Variants in GPATCH11 observed in about 807,000 individuals in gnomAD.
The protein encoded by GPATCH11 is G patch domain-containing protein 11.
In GPATCH11, 32 loss-of-function variants were observed where a neutral mutation model predicts 44.8. The ratio of observed to expected loss-of-function variants is 0.71; its 90% confidence interval spans 0.54 to 0.96. The LOEUF (loss-of-function observed/expected upper bound fraction) is 0.96. GPATCH11 is among the 40% of genes least tolerant of loss of function. The probability of loss-of-function intolerance (pLI) is 0.00; values close to 1 mark genes in which losing one functional copy is unlikely to be tolerated. For synonymous variants in GPATCH11, 84 were observed against 94.4 expected (o/e 0.89, Z 0.64); for missense variants, 324 against 303.1 (o/e 1.07, Z -0.51).
chr2:37,090,803 C>CTT lies in GPATCH11; in HGVS notation c.328+88_328+89dup, dbSNP rs201403331. On this transcript the variant is annotated intron_variant, in intron 4 of 8. Coordinates refer to ENST00000674370, the MANE Select transcript of GPATCH11 (RefSeq NM_174931.4). ...ACCACATATATTTGCTCAATAAATACTTTTTTTTAAATGATAATACTGTTA... is the reference window on the plus strand; with the variant it reads ...ACCACATATATTTGCTCAATAAATACTTTTTTTTTTAAATGATAATACTGTTA... The CTT allele has an allele frequency of 8.5e-6, 6 of 702,156 alleles. No homozygotes were observed. The South Asian group carries it at 9.8e-5, about 11-fold the overall frequency. The allele number at this position is 702,156 out of a possible 1,614,324, so 43.5% of individuals were successfully genotyped here. A position where few individuals can be genotyped will look rare whatever the true frequency, so the allele number is the denominator to read the frequency against.
chr2:37,089,889 C>T (rs762813337), intron 3 of GPATCH11, 23 bp downstream of exon 3: 136 of 1,480,898 alleles, frequency 9.2e-5, no homozygotes, highest in Non-Finnish European at 1.2e-4. Context: ...TGGAAATAAA[C>T]AGGTATTCCT....
intron 2 of GPATCH11, 37 bp downstream of exon 2, chr2:37,088,477 T>C: frequency 1.1e-6 from 1 of 939,110 alleles, no homozygotes; most frequent in Non-Finnish European, 1.7e-6. Flanking sequence ...ATGATATGTA[T>C]AAGATGTGTA....
intron 6 of GPATCH11, among the ~76,000 whole-genome samples, chr2:37,092,793 A>T (rs1673397452): frequency 6.6e-6 from 1 of 152,150 alleles, no homozygotes; most frequent in Non-Finnish European, 1.5e-5. Flanking sequence ...ATAATATTTG[A>T]TTAACAAGAA....
rs142659059 is a variant in GPATCH11 at position 37,094,183 on chromosome 2, T to C, written c.642T>C (p.Ser214=). ...EKEQDEDEYK[S]EDLSVLEKLQ... ...AACAGGATGAAGATGAATATAAGAGTGAAGATTTAAGCGTATGCTTTGCAC... is the reference window on the plus strand; with the variant it reads ...AACAGGATGAAGATGAATATAAGAGCGAAGATTTAAGCGTATGCTTTGCAC... Residue 214 remains serine (S), a synonymous_variant, in exon 7 of 9, where the codon AGT becomes AGC. Transcript: ENST00000674370. 1 of 1,548,696 alleles carries C rather than the reference T, an allele frequency of 6.5e-7. No individual in the cohort carries two copies. The highest frequency in any genetic ancestry group is 8.8e-7 in the Non-Finnish European group (1 of 1,141,486).
At position 37,088,357 on chromosome 2, in the gene GPATCH11, CT is replaced by C; in HGVS notation, c.-13-9del. On this transcript the variant is annotated splice_polypyrimidine_tract_variant and intron_variant, in intron 1 of 8. Coordinates refer to ENST00000674370, the MANE Select transcript of GPATCH11 (RefSeq NM_174931.4). ...AAACTAAAAAAAAAAGTAATTATTA[CT>C]TTATTTGTAGATACTATAGCCATAT... 1.5e-6 allele frequency: 2 copies of C among 1,341,554 alleles called. No homozygotes were observed. Among genetic ancestry groups the C allele is most frequent in the Non-Finnish European group, 1.0e-6 (1 of 974,708 alleles). The allele number at this position is 1,341,554 out of a possible 1,614,324, so 83.1% of individuals were successfully genotyped here.
In GPATCH11 at chr2:37,087,072, C is replaced by CTTCA. The variant is rs1342795289; in HGVS notation, c.-13-1296_-13-1293dup. On this transcript the variant is annotated intron_variant, in intron 1 of 8. Transcript: ENST00000674370. ...AAGAAGATGGCCATCCACAGCCCAG[C>CTTCA]TTCACATTCTCCCAGTTCAGAAACA... Among the ~76,000 whole-genome samples, 4 of 152,170 alleles carry CTTCA rather than the reference C, an allele frequency of 2.6e-5. No homozygotes were observed. In the South Asian group the frequency reaches 8.3e-4, roughly 32 times the overall value.
chr2:37,095,298 C>A, intron 7 of GPATCH11, 139 bp from the exon 8 acceptor site: 1 of 1,071,552 alleles, frequency 9.3e-7, no homozygotes, highest in Non-Finnish European at 1.3e-6. Context: ...TATATCAGTT[C>A]TGTCCTTGAC....
At chr2:37,088,551 T>C (rs1438165688) in intron 2 of GPATCH11, 111 bp downstream of exon 2, 5 of 596,840 alleles carry the variant, frequency 8.4e-6, no homozygotes, top group African/African-American at 1.9e-5. Context: ...GGTCTCATTC[T>C]GTTAGCAAGG....
At chr2:37,086,870 A>G (rs948139999) in intron 1 of GPATCH11, among the ~76,000 whole-genome samples, 8 of 152,216 alleles carry the variant, frequency 5.3e-5, no homozygotes, top group Non-Finnish European at 7.3e-5. Context: ...TTGTCTAGAC[A>G]CTTGGTTGCA....
rs1306552835 is a variant in GPATCH11, at chr2:37,092,502, TAA to T, written c.540+250_540+251del. ...ATAATATATATATTATATATATATA[TAA>T]AACTAAGAACTCCAAGCCCGGTTTA... is the stretch of plus-strand genomic sequence containing the variant. On this transcript the variant is annotated intron_variant, in intron 6 of 8. Coordinates refer to ENST00000674370, the MANE Select transcript of GPATCH11 (RefSeq NM_174931.4). Among the ~76,000 whole-genome samples the T allele has an allele frequency of 5.0e-5, 7 of 141,262 alleles. No homozygotes were observed. The South Asian group carries it at 8.7e-4, about 17-fold the overall frequency. The allele number at this position is 141,262 out of a possible 152,430, so 92.7% of individuals were successfully genotyped here. A position where few individuals can be genotyped will look rare whatever the true frequency, so the allele number is the denominator to read the frequency against.
intron 2 of GPATCH11, among the ~76,000 whole-genome samples, chr2:37,089,189 A>G (rs1173855150): frequency 1.3e-5 from 2 of 152,190 alleles, no homozygotes; most frequent in Non-Finnish European, 1.5e-5. Flanking sequence ...GTCACTGATT[A>G]TGTTCTAATA....
chr2:37,087,186 C>T (rs557796471), intron 1 of GPATCH11, among the ~76,000 whole-genome samples: 1 of 152,304 alleles, frequency 6.6e-6, no homozygotes, highest in South Asian at 2.1e-4. Context: ...GTCATCTCGT[C>T]CCCTGGTGCT....
rs1421784706 is a variant in GPATCH11 at position 37,089,599 on chromosome 2, A to T, written c.60-41A>T. 7 of 1,336,644 alleles carry T rather than the reference A, an allele frequency of 5.2e-6. No homozygotes were observed. The South Asian group carries it at 6.9e-5, about 13-fold the overall frequency. 82.8% of individuals were successfully genotyped at this position (1,336,644 alleles called of 1,614,324 possible). The stretch of plus-strand genomic sequence containing the variant: ...TAAAAAAAAAAAAAAAGAAAAGAAA[A>T]CTTTATGGACTCATCTAAAATAAAC... On this transcript the variant is annotated intron_variant, in intron 2 of 8. Transcript: ENST00000674370.
At chr2:37,085,185 A>G (rs760585029) in intron 1 of GPATCH11, among the ~76,000 whole-genome samples, 1 of 152,222 alleles carries the variant, frequency 6.6e-6, no homozygotes, top group Admixed American at 6.5e-5. Flanking sequence ...CTGTAACCCC[A>G]TTCAGATGTG....
intron 3 of GPATCH11, 115 bp downstream of exon 3, chr2:37,089,981 CT>C: frequency 1.3e-6 from 1 of 754,826 alleles, no homozygotes; most frequent in Non-Finnish European, 2.2e-6. Context: ...ACAACTTAGG[CT>C]TTTTAGTCTA....
intron 5 of GPATCH11, 43 bp from the exon 6 acceptor site, chr2:37,092,122 A>G: frequency 6.4e-7 from 1 of 1,564,768 alleles, no homozygotes; most frequent in Non-Finnish European, 8.7e-7. Flanking sequence ...AAATGGTTAA[A>G]GATAACGTAG....
In GPATCH11 at chr2:37,098,912, A is replaced by C. The variant is rs1673734778; in HGVS notation, c.*2649A>C. 1 of 152,240 alleles carries C rather than the reference A, an allele frequency of 6.6e-6. No individual in the cohort carries two copies. Among genetic ancestry groups the C allele is most frequent in the African/African-American group, 2.4e-5 (1 of 41,462 alleles). The allele number at this position is 152,240 out of a possible 1,614,324, so 9.4% of individuals were successfully genotyped here. A position where few individuals can be genotyped will look rare whatever the true frequency, so the allele number is the denominator to read the frequency against. ...GAATAAAAAAAAAATCAGACTTTCA[A>C]TATGAGTAACAAGTTATTTTTAGGC... On this transcript the variant is annotated 3_prime_UTR_variant, in exon 9 of 9. Coordinates refer to ENST00000674370, the MANE Select transcript of GPATCH11 (RefSeq NM_174931.4).
At position 37,091,982 on chromosome 2, in the gene GPATCH11, GA is replaced by G; in HGVS notation, c.401del (p.Lys134ArgfsTer4). On this transcript the variant is annotated frameshift_variant, in exon 5 of 9. Transcript: ENST00000674370. LOFTEE classifies it high-confidence loss of function. Reference protein sequence around the residue: ...RKAEEKLESYRKKIHMKNQAE... With the variant: ...RKAEEKLESYXKKIHMKNQAE... The stretch of plus-strand genomic sequence containing the variant: ...GCAGAGGAAAAATTGGAAAGCTACA[GA>G]AAAAAGATTCACATGAAAAACCAAG... 6.2e-7 allele frequency: 1 copy of G among 1,613,196 alleles called. No individual in the cohort carries two copies. Among genetic ancestry groups the G allele is most frequent in the South Asian group, 1.1e-5 (1 of 91,042 alleles).
At chr2:37,095,617 C>G (rs1360827112) in intron 8 of GPATCH11, 99 bp downstream of exon 8, 1 of 1,293,444 alleles carries the variant, frequency 7.7e-7, no homozygotes, top group Non-Finnish European at 1.0e-6. Flanking sequence ...TTATTCCATT[C>G]AAATGGCAGT....
Sources: gnomAD v4.1 joint callset for allele counts (sites outside exome capture counted in the v4.1 genomes callset) on GRCh38, gnomAD v4.1.1 for gene constraint, MANE v1.5 for transcripts, NCBI Gene and HGNC (gene_info 2026-07-23, HGNC 2026-07-21) for gene names.